NUP98: variants seen among roughly 807,000 people sequenced by gnomAD.
NUP98 encodes nuclear pore complex protein Nup98-Nup96.
In NUP98, 26 loss-of-function variants were observed where a neutral mutation model predicts 191.9. The observed-to-expected ratio is 0.14, with a 90% CI of 0.10 to 0.19. The LOEUF (loss-of-function observed/expected upper bound fraction) is 0.19, where lower values mean the gene tolerates loss of function less well. NUP98 is among the 10% of genes least tolerant of loss of function. The pLI, the probability that NUP98 is intolerant of heterozygous loss-of-function variation, is 1.00. For synonymous variants in NUP98, 808 were observed against 778.4 expected (o/e 1.04, Z -0.63); for missense variants, 1,941 against 2,178.8 (o/e 0.89, Z 2.17).
chr11:3,701,962 C>A (rs1409421071), intron 23 of NUP98, among the ~76,000 whole-genome samples: 1 of 151,126 alleles, frequency 6.6e-6, no homozygotes, highest in Non-Finnish European at 1.5e-5. Context: ...GCTGGGATTA[C>A]AGGTTGTTTT....
At chr11:3,714,084 ATAATGG>A (rs1472813663) in intron 18 of NUP98, 89 bp from the exon 19 acceptor site, 11 of 1,248,652 alleles carry the variant, frequency 8.8e-6, no homozygotes, top group Non-Finnish European at 1.3e-5. Flanking sequence ...TAAATAGTGA[ATAATGG>A]TAACTATGCT....
intron 25 of NUP98, 31 bp downstream of exon 25, chr11:3,699,051 G>C (rs540518924): frequency 6.2e-7 from 1 of 1,606,698 alleles, no homozygotes; most frequent in African/African-American, 1.3e-5. Flanking sequence ...AGGCGACAGA[G>C]GCGCAGAGAA....
In NUP98 at chr11:3,773,541, C is replaced by G. The variant is rs888184707; in HGVS notation, c.603+91G>C. ...TTACATAAACCCAAACTGAACCACTCTATCCTAAAGAAAATCAAAACCATT... is the reference window on the plus strand; with the variant it reads ...TTACATAAACCCAAACTGAACCACTGTATCCTAAAGAAAATCAAAACCATT... On this transcript the variant is annotated intron_variant, in intron 6 of 32. Coordinates refer to ENST00000324932, the MANE Select transcript of NUP98 (RefSeq NM_016320.5). The G allele has an allele frequency of 2.4e-5, 18 of 750,678 alleles. No homozygotes were observed. In the East Asian group the frequency reaches 4.2e-4, roughly 18 times the overall value. The allele number at this position is 750,678 out of a possible 1,614,324, so 46.5% of individuals were successfully genotyped here. A position where few individuals can be genotyped will look rare whatever the true frequency, so the allele number is the denominator to read the frequency against.
chr11:3,679,274 C>T (rs2077915870), intron 31 of NUP98, among the ~76,000 whole-genome samples: 2 of 152,184 alleles, frequency 1.3e-5, no homozygotes, highest in South Asian at 2.1e-4. Flanking sequence ...GGGCTTCTCA[C>T]TCAAACTAGG....
chr11:3,734,091 A>G (rs1011887583), intron 13 of NUP98, among the ~76,000 whole-genome samples: 2 of 151,440 alleles, frequency 1.3e-5, no homozygotes, highest in African/African-American at 4.9e-5. Context: ...GCTGGAGTGC[A>G]ATGGCGCAAT....
In NUP98 at chr11:3,700,675, A is replaced by G. The variant is rs2078650935; in HGVS notation, c.3677T>C (p.Val1226Ala). ...LCPLIVPNLG[V>A]AVIHDYADWV... ...ATCTGCATAGTCATGAATGACAGCA[A>G]CTCCCAGATTGGGGACAATGAGAGG... Residue 1226 changes from valine to alanine, a missense_variant, in exon 24 of 33, where the codon GTT becomes GCT. This residue lies in a region of NUP98 where 1,030 missense variants were observed against 1,115.8 expected (regional missense o/e 0.92). Transcript: ENST00000324932. The G allele has an allele frequency of 6.2e-7, 1 of 1,614,022 alleles. No homozygotes were observed. Among genetic ancestry groups the G allele is most frequent in the Non-Finnish European group, 8.5e-7 (1 of 1,180,024 alleles).
chr11:3,731,349 C>G (rs2079840072), intron 14 of NUP98, 42 bp downstream of exon 14: 1 of 1,237,438 alleles, frequency 8.1e-7, no homozygotes, highest in Non-Finnish European at 1.1e-6. Context: ...TAGTTTATAT[C>G]AGTATTTTAC....
rs1034215934 is a variant in NUP98, at chr11:3,768,519, G to A, written c.948+62C>T. The A allele has an allele frequency of 3.6e-6, 5 of 1,381,990 alleles. No individual in the cohort carries two copies. In the Admixed American group the frequency reaches 7.3e-5, roughly 20 times the overall value. 85.6% of individuals were successfully genotyped at this position (1,381,990 alleles called of 1,614,324 possible). On this transcript the variant is annotated intron_variant, in intron 8 of 32. Coordinates refer to ENST00000324932, the MANE Select transcript of NUP98 (RefSeq NM_016320.5). ...AGAATTTGCTAGTTTGACATGATTA[G>A]AATCCTCATTACTTAACTCTAAAAA...
intron 25 of NUP98, 58 bp from the exon 26 acceptor site, chr11:3,695,664 C>A: frequency 8.5e-7 from 1 of 1,177,622 alleles, no homozygotes; most frequent in South Asian, 2.5e-5. Context: ...CTTCGTCAAA[C>A]ACTTGGGGGC....
At chr11:3,795,511 A>G (rs1354629275) in intron 1 of NUP98, among the ~76,000 whole-genome samples, 1 of 152,132 alleles carries the variant, frequency 6.6e-6, no homozygotes, top group Non-Finnish European at 1.5e-5. Context: ...AGCAGGAACT[A>G]TCTTATCTGG....
chr11:3,773,429 T>C (rs926020449), intron 6 of NUP98, among the ~76,000 whole-genome samples: 3 of 151,842 alleles, frequency 2.0e-5, no homozygotes. Flanking sequence ...GACCTTCACA[T>C]ACCCCTGAAT....
chr11:3,694,197 C>T (rs935429194), intron 26 of NUP98, among the ~76,000 whole-genome samples: 2 of 151,568 alleles, frequency 1.3e-5, no homozygotes, highest in Non-Finnish European at 2.9e-5. Context: ...CATGGGGAAA[C>T]CCGTCTCTAC....
chr11:3,763,122 A>AT (rs1589909574), intron 8 of NUP98, 83 bp from the exon 9 acceptor site: 3 of 1,359,074 alleles, frequency 2.2e-6, no homozygotes, highest in East Asian at 2.3e-5. Context: ...AAAAGTTACC[A>AT]TTTTTTCAAG....
intron 7 of NUP98, among the ~76,000 whole-genome samples, chr11:3,769,536 A>G (rs1480283202): frequency 6.8e-6 from 1 of 147,382 alleles, no homozygotes; most frequent in African/African-American, 2.5e-5. Flanking sequence ...TGATTGCTCC[A>G]CTGCACTCCA....
intron 15 of NUP98, among the ~76,000 whole-genome samples, chr11:3,724,376 C>A (rs1316012662): frequency 6.7e-6 from 1 of 150,264 alleles, no homozygotes; most frequent in Admixed American, 6.6e-5. Context: ...TCAGAGGATA[C>A]AGTGGGCCGA....
chr11:3,688,485 T>C (rs901819318), intron 28 of NUP98, among the ~76,000 whole-genome samples: 2 of 151,594 alleles, frequency 1.3e-5, no homozygotes, highest in Non-Finnish European at 2.9e-5. Flanking sequence ...AAAAGCTACA[T>C]TCTATATAAT....
rs560833146 is a variant in NUP98 at position 3,705,835 on chromosome 11, C to A, written c.2926-479G>T. On this transcript the variant is annotated intron_variant, in intron 21 of 32. Coordinates refer to ENST00000324932, the MANE Select transcript of NUP98 (RefSeq NM_016320.5). Reference sequence around the variant, plus strand: ...GTACTCACAGCTATTATATGACTTGCACAAAGTAATAAAGTTACAAAATTG... The same window carrying A: ...GTACTCACAGCTATTATATGACTTGAACAAAGTAATAAAGTTACAAAATTG... 4.3e-4 allele frequency among the ~76,000 whole-genome samples: 66 copies of A among 152,040 alleles called. 1 individual carries two copies. The highest frequency in any genetic ancestry group is 1.5e-3 in the African/African-American group (63 of 41,468).
intron 10 of NUP98, among the ~76,000 whole-genome samples, chr11:3,759,915 T>C (rs1312954069): frequency 1.3e-5 from 2 of 151,812 alleles, no homozygotes; most frequent in African/African-American, 2.4e-5. Context: ...ACAAGTGTGA[T>C]CATAGCACAC....
chr11:3,742,312 T>C (rs1221244612), intron 12 of NUP98, among the ~76,000 whole-genome samples: 1 of 152,168 alleles, frequency 6.6e-6, no homozygotes, highest in African/African-American at 2.4e-5. Context: ...TTTGCAACAG[T>C]TCATTTGCAA....
Sources: gnomAD v4.1 joint callset for allele counts (sites outside exome capture counted in the v4.1 genomes callset) on GRCh38, gnomAD v4.1.1 for gene constraint, gnomAD v4.1.1 regional missense constraint, MANE v1.5 for transcripts, NCBI Gene and HGNC (gene_info 2026-07-23, HGNC 2026-07-21) for gene names.